Variants in TASP1 observed in about 807,000 individuals in gnomAD.
The protein encoded by TASP1 is taspase 1, also known as threonine aspartase 1.
In TASP1, 16 loss-of-function variants were observed where a neutral mutation model predicts 56.6. The observed-to-expected ratio is 0.28, with a 90% CI of 0.19 to 0.43. The LOEUF is 0.43. Ranked by LOEUF, TASP1 falls within the 20% of genes least tolerant of loss-of-function variation. TASP1 has a pLI of 1.00. For missense variants in TASP1, 393 were observed against 511.6 expected, an observed-to-expected ratio of 0.77 and a Z score of 2.24; for synonymous variants, 179 against 184.2, an observed-to-expected ratio of 0.97 and a Z score of 0.23.
the TASP1 span, among the ~76,000 whole-genome samples, chr20:13,316,836 C>T: frequency 7.3e-5 from 11 of 151,716 alleles, no homozygotes; most frequent in Admixed American, 4.6e-4. Flanking sequence ...TAATACTTAG[C>T]GGTAAGAAAC....
At chr20:13,520,927 G>GA (rs1170996953) in intron 10 of TASP1, among the ~76,000 whole-genome samples, 1 of 151,906 alleles carries the variant, frequency 6.6e-6, no homozygotes, top group Non-Finnish European at 1.5e-5. Context: ...AAATTTACAA[G>GA]AAAAAAACAA....
intron 13 of TASP1, among the ~76,000 whole-genome samples, chr20:13,412,362 G>A (rs1380409634): frequency 6.6e-6 from 1 of 151,994 alleles, no homozygotes; most frequent in Non-Finnish European, 1.5e-5. Context: ...TCCTAGGAAG[G>A]GCTTGTCTCT....
At chr20:13,141,279 A>C in the TASP1 span, among the ~76,000 whole-genome samples, 1 of 152,168 alleles carries the variant, frequency 6.6e-6, no homozygotes, top group East Asian at 1.9e-4. Flanking sequence ...CCTCAAACTT[A>C]TCTTGTGGCT....
the TASP1 span, among the ~76,000 whole-genome samples, chr20:13,311,877 G>T: frequency 6.6e-6 from 1 of 152,172 alleles, no homozygotes; most frequent in Non-Finnish European, 1.5e-5. Flanking sequence ...TGTACAGCAT[G>T]ATGACTGTAG....
chr20:13,318,952 C>G, the TASP1 span, among the ~76,000 whole-genome samples: 2 of 152,304 alleles, frequency 1.3e-5, no homozygotes, highest in South Asian at 4.1e-4. Context: ...ATGGTTAATA[C>G]AGGTCATTAT....
At chr20:13,252,925 C>A in the TASP1 span, among the ~76,000 whole-genome samples, 1 of 152,182 alleles carries the variant, frequency 6.6e-6, no homozygotes, top group African/African-American at 2.4e-5. Flanking sequence ...CACCTGGGGT[C>A]CCCAGCCCCC....
chr20:13,377,587 T>C, the TASP1 span, among the ~76,000 whole-genome samples: 1 of 152,246 alleles, frequency 6.6e-6, no homozygotes, highest in East Asian at 1.9e-4. Context: ...GCTGGCCTCA[T>C]AAAATGAGTT....
chr20:13,230,201 G>A, the TASP1 span, among the ~76,000 whole-genome samples: 2 of 152,134 alleles, frequency 1.3e-5, no homozygotes, highest in East Asian at 1.9e-4. Flanking sequence ...TGTCATACAA[G>A]TGTTTTTTAA....
At chr20:13,179,406 C>CGTGTGCGTGT in the TASP1 span, among the ~76,000 whole-genome samples, 892 of 143,500 alleles carry the variant, frequency 6.2e-3, 3 homozygotes, top group Non-Finnish European at 7.7e-3. Flanking sequence ...GAATTATGTG[C>CGTGTGCGTGT]GTGTGTGTGT....
chr20:13,526,214 G>A (rs1385322849), intron 10 of TASP1, among the ~76,000 whole-genome samples: 2 of 152,022 alleles, frequency 1.3e-5, no homozygotes, highest in Non-Finnish European at 2.9e-5. Context: ...ACACAATCAG[G>A]CAGGCTCTCA....
intron 13 of TASP1, among the ~76,000 whole-genome samples, chr20:13,409,006 T>A (rs1255972242): frequency 6.6e-6 from 1 of 152,080 alleles, no homozygotes; most frequent in Admixed American, 6.5e-5. Context: ...TTATTTTCTA[T>A]CTATTCTTCT....
At chr20:13,227,496 C>A in the TASP1 span, among the ~76,000 whole-genome samples, 1 of 146,470 alleles carries the variant, frequency 6.8e-6, no homozygotes, top group East Asian at 2.0e-4. Flanking sequence ...AGCCACCATG[C>A]CCAGCCCAAC....
the TASP1 span, among the ~76,000 whole-genome samples, chr20:13,242,630 G>A: frequency 6.6e-6 from 1 of 152,286 alleles, no homozygotes; most frequent in Non-Finnish European, 1.5e-5. Flanking sequence ...TGATGGGAAT[G>A]GTCCTGCACT....
chr20:13,148,915 A>G, the TASP1 span, among the ~76,000 whole-genome samples: 1 of 152,256 alleles, frequency 6.6e-6, no homozygotes, highest in Non-Finnish European at 1.5e-5. Context: ...CAGATGCAGT[A>G]GTAAACACTT....
chr20:13,221,995 ATGCAGGGAGGCAGGTCCCC>A, the TASP1 span: 9 of 1,216,176 alleles, frequency 7.4e-6, no homozygotes, highest in South Asian at 2.3e-4. Flanking sequence ...TGCCGGGTGG[ATGCAGGGAGGCAGGTCCCC>A]TGCCCCACCT....
At chr20:13,299,069 C>T in the TASP1 span, 5 of 1,613,770 alleles carry the variant, frequency 3.1e-6, no homozygotes, top group East Asian at 8.9e-5. The surrounding 1 kb of genome is among the most constrained non-coding windows in gnomAD (Gnocchi z 5.8). Flanking sequence ...ACAGCACGGC[C>T]GACATCTTCG....
intron 5 of TASP1, among the ~76,000 whole-genome samples, chr20:13,582,209 G>A (rs2047153189): frequency 6.6e-6 from 1 of 150,392 alleles, no homozygotes; most frequent in African/African-American, 2.4e-5. Context: ...ATTCAATATT[G>A]TAAAGACATT....
chr20:13,411,248 T>C (rs2123713426), intron 13 of TASP1, among the ~76,000 whole-genome samples: 1 of 152,314 alleles, frequency 6.6e-6, no homozygotes, highest in Middle Eastern at 3.4e-3. Flanking sequence ...AGTCAAGTAG[T>C]GTGAAGTATT....
chr20:13,637,510 G>A (rs776754087), intron 1 of TASP1, among the ~76,000 whole-genome samples: 1 of 152,164 alleles, frequency 6.6e-6, no homozygotes. Context: ...ACCGATGATG[G>A]TTAAGCAAAA....
Sources: allele counts gnomAD v4.1 joint callset (sites outside exome capture counted in the v4.1 genomes callset), GRCh38; gene constraint gnomAD v4.1.1; non-coding constraint Gnocchi (gnomAD v3.1); transcripts MANE v1.5; gene names NCBI Gene and HGNC (gene_info 2026-07-23, HGNC 2026-07-21).